HS3ST4: variants seen among roughly 807,000 people sequenced by gnomAD.
HS3ST4 encodes heparan sulfate glucosamine 3-O-sulfotransferase 4.
Under a neutral mutation model 29.2 loss-of-function variants are expected in HS3ST4, and 17 were observed. The observed-to-expected ratio is 0.58, with a 90% CI of 0.40 to 0.87. HS3ST4 has a LOEUF of 0.87. Among genes scored for constraint, HS3ST4 ranks in the 40% least tolerant of loss-of-function variants. The pLI is 0.00. For missense variants in HS3ST4, 627 were observed against 634.5 expected, an observed-to-expected ratio of 0.99 and a Z score of 0.13; for synonymous variants, 314 against 285.7, an observed-to-expected ratio of 1.10 and a Z score of -1.00.
intron 1 of HS3ST4, among the ~76,000 whole-genome samples, chr16:25,975,018 C>T (rs1968930100): frequency 6.6e-6 from 1 of 152,124 alleles, no homozygotes; most frequent in South Asian, 2.1e-4. Context: ...TCCTTAAAAT[C>T]ATCTTCCACT....
At chr16:25,938,467 C>T (rs372841384) in intron 1 of HS3ST4, among the ~76,000 whole-genome samples, 5 of 152,108 alleles carry the variant, frequency 3.3e-5, no homozygotes, top group African/African-American at 4.8e-5. Context: ...GGCAGGAGCT[C>T]GCACATCTAT....
At chr16:25,864,395 T>G (rs974845024) in intron 1 of HS3ST4, among the ~76,000 whole-genome samples, 3 of 148,156 alleles carry the variant, frequency 2.0e-5, no homozygotes, top group Non-Finnish European at 4.4e-5. Context: ...GTAATTGTGT[T>G]TTTTTTTGCC....
intron 1 of HS3ST4, among the ~76,000 whole-genome samples, chr16:26,097,385 A>G (rs1372956735): frequency 2.6e-5 from 4 of 152,216 alleles, no homozygotes; most frequent in Non-Finnish European, 1.5e-5. Context: ...CAAAACAGAT[A>G]TATAGACCAA....
chr16:25,753,387 G>A (rs1966733919), intron 1 of HS3ST4, among the ~76,000 whole-genome samples: 1 of 152,194 alleles, frequency 6.6e-6, no homozygotes, highest in Non-Finnish European at 1.5e-5. Context: ...TCATAGTCCA[G>A]GTCTCATAAC....
intron 1 of HS3ST4, among the ~76,000 whole-genome samples, chr16:25,935,296 C>A (rs1025779668): frequency 2.6e-5 from 4 of 152,166 alleles, no homozygotes; most frequent in Non-Finnish European, 5.9e-5. Context: ...TTGGTTGCAA[C>A]TGATGCACCT....
intron 1 of HS3ST4, among the ~76,000 whole-genome samples, chr16:25,873,722 A>G (rs1475029241): frequency 6.6e-6 from 1 of 151,168 alleles, no homozygotes; most frequent in Admixed American, 6.6e-5. Context: ...CCATCTATCC[A>G]TCCATCCAGC....
intron 1 of HS3ST4, among the ~76,000 whole-genome samples, chr16:25,973,878 C>T (rs111718858): frequency 0.013 from 1,962 of 152,222 alleles, 33 homozygotes; most frequent in African/African-American, 0.043. Flanking sequence ...CTTTATAGTC[C>T]GTGTGCCTAA....
intron 1 of HS3ST4, among the ~76,000 whole-genome samples, chr16:26,103,253 A>G (rs1354793143): frequency 2.0e-5 from 3 of 152,182 alleles, no homozygotes; most frequent in Non-Finnish European, 2.9e-5. Context: ...TATCACCATT[A>G]TTAATGAGGA....
intron 1 of HS3ST4, among the ~76,000 whole-genome samples, chr16:25,849,623 G>C (rs548529067): frequency 6.6e-6 from 1 of 152,158 alleles, no homozygotes; most frequent in African/African-American, 2.4e-5. Context: ...TTGCACCTCA[G>C]CCTCTAGGGT....
At chr16:26,045,180 G>C (rs549425235) in intron 1 of HS3ST4, among the ~76,000 whole-genome samples, 1 of 152,276 alleles carries the variant, frequency 6.6e-6, no homozygotes, top group South Asian at 2.1e-4. Flanking sequence ...GTGTCTGAGA[G>C]ATGTCAGTAG....
chr16:25,983,005 G>A (rs1969023883), intron 1 of HS3ST4, among the ~76,000 whole-genome samples: 1 of 152,222 alleles, frequency 6.6e-6, no homozygotes, highest in African/African-American at 2.4e-5. Flanking sequence ...GAAGAAAACA[G>A]GTAGCATCCC....
At chr16:25,722,053 C>T (rs1966500710) in intron 1 of HS3ST4, among the ~76,000 whole-genome samples, 1 of 152,134 alleles carries the variant, frequency 6.6e-6, no homozygotes, top group African/African-American at 2.4e-5. Flanking sequence ...CCTTTGTTGT[C>T]AGTGTTCTGT....
intron 1 of HS3ST4, among the ~76,000 whole-genome samples, chr16:25,881,821 A>G (rs1423083814): frequency 3.3e-5 from 5 of 152,216 alleles, no homozygotes; most frequent in Admixed American, 1.3e-4. Flanking sequence ...TCGGTGACCC[A>G]CAGGGGTTTC....
chr16:26,036,149 GAAAAGCTAC>G (rs1314865283), intron 1 of HS3ST4, among the ~76,000 whole-genome samples: 1 of 152,220 alleles, frequency 6.6e-6, no homozygotes, highest in Non-Finnish European at 1.5e-5. Context: ...TATAGTTATA[GAAAAGCTAC>G]AACTAAGTGG....
intron 1 of HS3ST4, among the ~76,000 whole-genome samples, chr16:25,739,843 C>T (rs943814807): frequency 2.0e-5 from 3 of 152,234 alleles, no homozygotes; most frequent in Non-Finnish European, 2.9e-5. Context: ...AAATGCCATT[C>T]TGAATTTGAC....
At chr16:25,990,211 A>G (rs946041469) in intron 1 of HS3ST4, among the ~76,000 whole-genome samples, 7 of 152,226 alleles carry the variant, frequency 4.6e-5, no homozygotes, top group African/African-American at 1.7e-4. Context: ...TTTAGCTGCT[A>G]TAAACATCTG....
intron 1 of HS3ST4, among the ~76,000 whole-genome samples, chr16:25,896,570 C>T (rs1407492421): frequency 6.6e-6 from 1 of 152,172 alleles, no homozygotes; most frequent in Non-Finnish European, 1.5e-5. Context: ...GTATTTCAGC[C>T]ACTGTGGAGA....
chr16:25,931,077 T>A (rs781307976), intron 1 of HS3ST4, among the ~76,000 whole-genome samples: 3 of 152,180 alleles, frequency 2.0e-5, no homozygotes, highest in Non-Finnish European at 4.4e-5. Flanking sequence ...CCAACCAAGA[T>A]GAACTTTCAA....
chr16:26,060,519 T>A lies in HS3ST4; in HGVS notation c.735-75093T>A, dbSNP rs528395152. 2.6e-5 allele frequency among the ~76,000 whole-genome samples: 4 copies of A among 152,292 alleles called. No individual in the cohort carries two copies. The South Asian group carries it at 8.3e-4, about 32-fold the overall frequency. ...CAGTCTTCAGATACTCGTCATCTTT[T>A]CACTGCCCTCTACTTGGTTTTCCAT... On this transcript the variant is annotated intron_variant, in intron 1 of 1. Transcript: ENST00000331351.
Sources: allele counts gnomAD v4.1 joint callset (sites outside exome capture counted in the v4.1 genomes callset), GRCh38; gene constraint gnomAD v4.1.1; transcripts MANE v1.5; gene names NCBI Gene and HGNC (gene_info 2026-07-23, HGNC 2026-07-21).